Variants in ITGAV observed in about 807,000 individuals in gnomAD.
ITGAV encodes the protein integrin subunit alpha V.
ITGAV carries 76 observed loss-of-function variants against 143.8 expected under a neutral mutation model. That is an observed-to-expected ratio of 0.53 (90% confidence interval 0.44 to 0.64). The LOEUF is 0.64. ITGAV is among the 30% of genes least tolerant of loss of function. ITGAV has a pLI of 0.00. For synonymous variants in ITGAV, 453 were observed against 446.7 expected, an observed-to-expected ratio of 1.01 and a Z score of -0.18; for missense variants, 1,193 against 1,274.7, an observed-to-expected ratio of 0.94 and a Z score of 0.98.
chr2:186,638,638 G>A (rs1379941384), intron 10 of ITGAV, among the ~76,000 whole-genome samples, 173 bp downstream of exon 10: 2 of 99,942 alleles, frequency 2.0e-5, no homozygotes, highest in Non-Finnish European at 4.9e-5. Flanking sequence ...GAGCGTGTGT[G>A]TGTGTGTGTG....
intron 1 of ITGAV, 42 bp downstream of exon 1, chr2:186,590,565 A>G (rs1469453068): frequency 1.3e-6 from 2 of 1,533,452 alleles, no homozygotes; most frequent in East Asian, 2.5e-5. Context: ...CCCCTCCCCC[A>G]CCGCGCGCAC....
intron 2 of ITGAV, among the ~76,000 whole-genome samples, chr2:186,622,017 C>T (rs769687287): frequency 5.2e-4 from 79 of 152,038 alleles, no homozygotes; most frequent in East Asian, 3.9e-4. Context: ...TGGGAATAGG[C>T]GATCATACGT....
intron 4 of ITGAV, among the ~76,000 whole-genome samples, chr2:186,627,789 T>C (rs1687713355): frequency 6.6e-6 from 1 of 152,178 alleles, no homozygotes; most frequent in Non-Finnish European, 1.5e-5. Context: ...AAAAGTTTGC[T>C]GAACCCTAAT....
chr2:186,649,008 TTGTG>T (rs201651932), intron 13 of ITGAV, among the ~76,000 whole-genome samples: 2,764 of 52,848 alleles, frequency 0.052, 789 homozygotes, highest in African/African-American at 0.15. Context: ...ATATACACAT[TTGTG>T]TGTATATATA....
chr2:186,657,793 G>C (rs1267554724), intron 17 of ITGAV, among the ~76,000 whole-genome samples: 2 of 152,040 alleles, frequency 1.3e-5, no homozygotes, highest in African/African-American at 2.4e-5. Flanking sequence ...CAATACAACT[G>C]TCAAAAGAAG....
chr2:186,620,487 G>A (rs1687490539), intron 2 of ITGAV, among the ~76,000 whole-genome samples: 1 of 152,196 alleles, frequency 6.6e-6, no homozygotes, highest in Admixed American at 6.5e-5. Context: ...TATCAGCCAG[G>A]CATGGTGGCT....
intron 26 of ITGAV, among the ~76,000 whole-genome samples, chr2:186,670,831 G>A (rs1689043298): frequency 6.6e-6 from 1 of 152,106 alleles, no homozygotes; most frequent in African/African-American, 2.4e-5. Flanking sequence ...ACTAGAAACT[G>A]CTTTTAAATA....
chr2:186,665,535 T>G (rs1000589123), intron 21 of ITGAV, among the ~76,000 whole-genome samples: 1 of 152,182 alleles, frequency 6.6e-6, no homozygotes, highest in Non-Finnish European at 1.5e-5. Flanking sequence ...TAATGGATCC[T>G]GAAAAGCTAC....
intron 21 of ITGAV, among the ~76,000 whole-genome samples, chr2:186,666,118 T>G (rs1688889657): frequency 6.6e-6 from 1 of 152,184 alleles, no homozygotes; most frequent in Admixed American, 6.5e-5. Flanking sequence ...GGAAGTACTG[T>G]TTTTATATGT....
chr2:186,590,401 G>A lies in ITGAV; in HGVS notation c.63G>A (p.Ser21=), dbSNP rs1292712662. The change falls in exon 1 of 30, where the codon TCG becomes TCA. Residue 21 remains serine, a synonymous_variant. Coordinates refer to ENST00000261023, the MANE Select transcript of ITGAV (RefSeq NM_002210.5). The stretch of plus-strand genomic sequence containing the variant: ...CCCGCGGCCTCCCGCTTCTTCTCTC[G>A]GGACTCCTGCTACCTCTGTGCCGCG... ...LGPRGLPLLL[S]GLLLPLCRAF... is the part of the protein sequence containing the mutation. 8 of 1,607,700 alleles carry A rather than the reference G, an allele frequency of 5.0e-6. No homozygotes were observed. The highest frequency in any genetic ancestry group is 6.8e-6 in the Non-Finnish European group (8 of 1,177,640).
chr2:186,613,372 ATAAC>A (rs1156949367), intron 2 of ITGAV, among the ~76,000 whole-genome samples: 2 of 152,280 alleles, frequency 1.3e-5, no homozygotes, highest in East Asian at 1.9e-4. Flanking sequence ...TGTGGTAGTA[ATAAC>A]TAACTAACTC....
chr2:186,614,538 G>A (rs1687299030), intron 2 of ITGAV, among the ~76,000 whole-genome samples: 1 of 151,970 alleles, frequency 6.6e-6, no homozygotes, highest in Non-Finnish European at 1.5e-5. Flanking sequence ...GTCTTTGAAC[G>A]AAATTTGATA....
At chr2:186,635,998 T>C in intron 6 of ITGAV, 84 bp from the exon 7 acceptor site, 1 of 1,131,174 alleles carries the variant, frequency 8.8e-7, no homozygotes, top group East Asian at 2.4e-5. Flanking sequence ...AATATTGTTT[T>C]CCTTCATGCA....
chr2:186,591,425 T>A (rs1316689975), intron 1 of ITGAV, among the ~76,000 whole-genome samples: 1 of 152,200 alleles, frequency 6.6e-6, no homozygotes, highest in Non-Finnish European at 1.5e-5. Context: ...TTTTAATGAA[T>A]GTTGACTGTT....
At position 186,656,233 on chromosome 2, in the gene ITGAV, T is replaced by C. The variant is rs1253885285; in HGVS notation, c.1565-14T>C. 6.4e-7 allele frequency: 1 copy of C among 1,572,512 alleles called. No individual in the cohort carries two copies. The highest frequency in any genetic ancestry group is 8.6e-7 in the Non-Finnish European group (1 of 1,164,748). On this transcript the variant is annotated splice_polypyrimidine_tract_variant and intron_variant, in intron 16 of 29. Coordinates refer to ENST00000261023, the MANE Select transcript of ITGAV (RefSeq NM_002210.5). ...TAAAGAATATGTTGGTTATAAATCC[T>C]TTGGTTTACATAGATTTCCAGGTGG...
chr2:186,637,532 A>G (rs146318667), intron 8 of ITGAV, among the ~76,000 whole-genome samples: 127 of 152,260 alleles, frequency 8.3e-4, no homozygotes, highest in Middle Eastern at 3.4e-3. Context: ...GCAATTTTAA[A>G]CCATTGTTAT....
chr2:186,671,094 G>C (rs762593596), intron 26 of ITGAV, among the ~76,000 whole-genome samples: 28 of 151,992 alleles, frequency 1.8e-4, no homozygotes, highest in Non-Finnish European at 1.0e-4. Context: ...CCTAACCCAG[G>C]CTCCTTTCCC....
intron 2 of ITGAV, among the ~76,000 whole-genome samples, chr2:186,617,037 G>T (rs200525203): frequency 7.5e-5 from 11 of 145,762 alleles, no homozygotes; most frequent in South Asian, 2.2e-4. Flanking sequence ...TTCTTTTTTT[G>T]TTTTTTTTTT....
At chr2:186,668,737 G>A (rs199619565) in intron 24 of ITGAV, 25 bp from the exon 25 acceptor site, 4 of 1,608,526 alleles carry the variant, frequency 2.5e-6, no homozygotes, top group Middle Eastern at 1.7e-4. Flanking sequence ...CCAAGGTGTA[G>A]ATACATTTTC....
Sources: allele counts gnomAD v4.1 joint callset (sites outside exome capture counted in the v4.1 genomes callset), GRCh38; gene constraint gnomAD v4.1.1; transcripts MANE v1.5; gene names NCBI Gene and HGNC (gene_info 2026-07-23, HGNC 2026-07-21).